The following HIF1AN variants were observed in gnomAD, a reference collection of about 807,000 sequenced individuals.
HIF1AN encodes the protein hypoxia-inducible factor 1-alpha inhibitor.
In HIF1AN, 21 loss-of-function variants were observed where a neutral mutation model predicts 47.7. The observed-to-expected ratio is 0.44, with a 90% CI of 0.31 to 0.63. The LOEUF is 0.63. HIF1AN is among the 30% of genes least tolerant of loss of function. HIF1AN has a pLI of 0.07. For missense variants in HIF1AN, 320 were observed against 432.7 expected, an observed-to-expected ratio of 0.74 and a Z score of 2.31; for synonymous variants, 152 against 155.9, an observed-to-expected ratio of 0.98 and a Z score of 0.18.
Position 100,549,753 on chromosome 10 carries a change from CTTTT to C in HIF1AN, c.*1628_*1631del, listed in dbSNP as rs761978570. 4 of 137,706 alleles carry C rather than the reference CTTTT, an allele frequency of 2.9e-5. No individual in the cohort carries two copies. The highest frequency in any genetic ancestry group is 3.2e-5 in the Non-Finnish European group (2 of 62,698). The allele number at this position is 137,706 out of a possible 1,614,324, so 8.5% of individuals were successfully genotyped here. A position where few individuals can be genotyped will look rare whatever the true frequency, so the allele number is the denominator to read the frequency against. ...GTTGGAAGGTCTCTGGTTTTCTTTT[CTTTT>C]TTTTTTTTTTTGCCAAAGGTTTACT... On this transcript the variant is annotated 3_prime_UTR_variant, in exon 8 of 8. Transcript: ENST00000299163.
chr10:100,552,870 G>A lies in HIF1AN; in HGVS notation c.*4733G>A, dbSNP rs144173550. 1 of 152,062 alleles carries A rather than the reference G, an allele frequency of 6.6e-6. No individual in the cohort carries two copies. The highest frequency in any genetic ancestry group is 1.9e-4 in the East Asian group (1 of 5,134). The allele number at this position is 152,062 out of a possible 1,614,324, so 9.4% of individuals were successfully genotyped here. A position where few individuals can be genotyped will look rare whatever the true frequency, so the allele number is the denominator to read the frequency against. Reference sequence around the variant, plus strand: ...TTCTTGCCCTTCCATTGTCAGTTCTGTACATCCTGGTTCAGCTTGTCTCAC... The same window carrying A: ...TTCTTGCCCTTCCATTGTCAGTTCTATACATCCTGGTTCAGCTTGTCTCAC... On this transcript the variant is annotated 3_prime_UTR_variant, in exon 8 of 8. Transcript: ENST00000299163.
chr10:100,546,602 T>A, intron 6 of HIF1AN, 21 bp downstream of exon 6: 1 of 1,605,450 alleles, frequency 6.2e-7, no homozygotes, highest in South Asian at 1.1e-5. Context: ...TTTGCTTTTT[T>A]TGTTTTTTCC....
intron 2 of HIF1AN, among the ~76,000 whole-genome samples, chr10:100,538,900 CCTTT>C (rs1289569253): frequency 1.5e-5 from 2 of 135,844 alleles, no homozygotes; most frequent in Admixed American, 7.3e-5. Flanking sequence ...TGCCTTTGAA[CCTTT>C]CTTTTTTTTT....
intron 3 of HIF1AN, among the ~76,000 whole-genome samples, chr10:100,544,552 A>T (rs1265053260): frequency 6.6e-6 from 1 of 152,236 alleles, no homozygotes; most frequent in African/African-American, 2.4e-5. Context: ...CTCCTCATGT[A>T]TATGTTGTTG....
chr10:100,540,823 G>T, intron 3 of HIF1AN, 41 bp downstream of exon 3: 1 of 1,548,472 alleles, frequency 6.5e-7, no homozygotes. Flanking sequence ...GGAGTCATAT[G>T]AACCTGATTT....
chr10:100,542,189 T>C (rs907355333), intron 3 of HIF1AN, among the ~76,000 whole-genome samples: 2 of 151,968 alleles, frequency 1.3e-5, no homozygotes, highest in Non-Finnish European at 2.9e-5. Context: ...CATAATCTTA[T>C]GGGAGCACTA....
At position 100,536,655 on chromosome 10, in the gene HIF1AN, AAG is replaced by A; in HGVS notation, c.427_428del (p.Arg143ValfsTer9). On this transcript the variant is annotated frameshift_variant, in exon 2 of 8. Coordinates refer to ENST00000299163, the MANE Select transcript of HIF1AN (RefSeq NM_017902.3). LOFTEE classifies it high-confidence loss of function. ...CAGGATATACAGCAGCGAGGAGGGGAAGAGAGGTAAATTCCGAAAGCTTAATT... is the reference window on the plus strand; with the variant it reads ...CAGGATATACAGCAGCGAGGAGGGGAAGAGGTAAATTCCGAAAGCTTAATT... 1 of 1,613,890 alleles carries A rather than the reference AAG, an allele frequency of 6.2e-7. No individual in the cohort carries two copies. The highest frequency in any genetic ancestry group is 8.5e-7 in the Non-Finnish European group (1 of 1,179,898).
Position 100,536,015 on chromosome 10 carries a change from G to C in HIF1AN, c.57G>C (p.Glu19Asp), listed in dbSNP as rs373246853. The change falls in exon 1 of 8, where the codon GAG becomes GAC. Residue 19 changes from glutamate to aspartate, a missense_variant. Physicochemically the swap from Glu to Asp is conservative, Grantham distance 45. Transcript: ENST00000299163. ...VASGSGEPRE[E>D]AGALGPAWDE... ...CTGGCTCTGGAGAGCCCCGGGAGGA[G>C]GCTGGAGCCCTCGGCCCCGCCTGGG... 33 of 1,585,194 alleles carry C rather than the reference G, an allele frequency of 2.1e-5. No homozygotes were observed. Among genetic ancestry groups the C allele is most frequent in the Non-Finnish European group, 2.7e-5 (32 of 1,166,974 alleles).
At position 100,549,915 on chromosome 10, in the gene HIF1AN, A is replaced by G. The variant is rs953168473; in HGVS notation, c.*1778A>G. 3.9e-5 allele frequency: 6 copies of G among 152,090 alleles called. No individual in the cohort carries two copies. The highest frequency in any genetic ancestry group is 1.5e-4 in the African/African-American group (6 of 41,348). 9.4% of individuals were successfully genotyped at this position (152,090 alleles called of 1,614,324 possible). Reference sequence around the variant, plus strand: ...GAGGGGTGTTTATTTTTAGTACCCCATTCTGGGGTTCTCTGATGCAGTGTG... The same window carrying G: ...GAGGGGTGTTTATTTTTAGTACCCCGTTCTGGGGTTCTCTGATGCAGTGTG... On this transcript the variant is annotated 3_prime_UTR_variant, in exon 8 of 8. Coordinates refer to ENST00000299163, the MANE Select transcript of HIF1AN (RefSeq NM_017902.3).
At chr10:100,541,128 G>A (rs1305718917) in intron 3 of HIF1AN, among the ~76,000 whole-genome samples, 1 of 152,142 alleles carries the variant, frequency 6.6e-6, no homozygotes, top group African/African-American at 2.4e-5. Flanking sequence ...CTGAGAGAGG[G>A]GAATTGCTTG....
At chr10:100,545,231 G>A (rs976905809) in intron 4 of HIF1AN, 135 bp downstream of exon 4, 3 of 899,158 alleles carry the variant, frequency 3.3e-6, no homozygotes, top group Non-Finnish European at 5.0e-6. Flanking sequence ...ACACCAAGAG[G>A]GTAATTTCAT....
chr10:100,542,607 G>A (rs1351453535), intron 3 of HIF1AN, among the ~76,000 whole-genome samples: 1 of 151,962 alleles, frequency 6.6e-6, no homozygotes, highest in Non-Finnish European at 1.5e-5. Flanking sequence ...CACCTGCCCC[G>A]GCCTCCCAAA....
intron 3 of HIF1AN, among the ~76,000 whole-genome samples, chr10:100,544,157 A>G (rs1843072740): frequency 6.6e-6 from 1 of 152,248 alleles, no homozygotes; most frequent in African/African-American, 2.4e-5. Flanking sequence ...CTAGGGCACA[A>G]CTAATTCAAG....
rs1470888582 is a variant in HIF1AN at position 100,552,195 on chromosome 10, C to T, written c.*4058C>T. 3 of 152,172 alleles carry T rather than the reference C, an allele frequency of 2.0e-5. No homozygotes were observed. Among genetic ancestry groups the T allele is most frequent in the Non-Finnish European group, 2.9e-5 (2 of 68,044 alleles). The allele number at this position is 152,172 out of a possible 1,614,324, so 9.4% of individuals were successfully genotyped here. A position where few individuals can be genotyped will look rare whatever the true frequency, so the allele number is the denominator to read the frequency against. On this transcript the variant is annotated 3_prime_UTR_variant, in exon 8 of 8. Coordinates refer to ENST00000299163, the MANE Select transcript of HIF1AN (RefSeq NM_017902.3). ...GTATTAATTTATACTAGTATTTCTTCCTCAGTTTTGTGACTTGAATGCAGT... is the reference window on the plus strand; with the variant it reads ...GTATTAATTTATACTAGTATTTCTTTCTCAGTTTTGTGACTTGAATGCAGT...
rs1398616614 is a variant in HIF1AN at position 100,555,721 on chromosome 10, C to T, written c.*7584C>T. 6.6e-6 allele frequency: 1 copy of T among 152,252 alleles called. No individual in the cohort carries two copies. Among genetic ancestry groups the T allele is most frequent in the African/African-American group, 2.4e-5 (1 of 41,430 alleles). The allele number at this position is 152,252 out of a possible 1,614,324, so 9.4% of individuals were successfully genotyped here. A position where few individuals can be genotyped will look rare whatever the true frequency, so the allele number is the denominator to read the frequency against. ...ATAACTGGCTCTGGGCCTTGGAAAC[C>T]TTCTCTTTGGCTCTAGCTAATTTTG... is the stretch of plus-strand genomic sequence containing the variant. On this transcript the variant is annotated 3_prime_UTR_variant, in exon 8 of 8. Transcript: ENST00000299163.
chr10:100,545,841 T>TG lies in HIF1AN; in HGVS notation c.724-102_724-101insG, dbSNP rs568404113. Reference sequence around the variant, plus strand: ...TACTTTTTTTAAGGCATCGTTTTTTTTTTGTTTGTTTGTTTGTTTTTACTG... The same window carrying TG: ...TACTTTTTTTAAGGCATCGTTTTTTTGTTTGTTTGTTTGTTTGTTTTTACTG... On this transcript the variant is annotated intron_variant, in intron 4 of 7. Coordinates refer to ENST00000299163, the MANE Select transcript of HIF1AN (RefSeq NM_017902.3). 4.5e-5 allele frequency: 34 copies of TG among 758,526 alleles called. No homozygotes were observed. The Admixed American group carries it at 5.9e-4, about 13-fold the overall frequency. The allele number at this position is 758,526 out of a possible 1,614,324, so 47.0% of individuals were successfully genotyped here. A position where few individuals can be genotyped will look rare whatever the true frequency, so the allele number is the denominator to read the frequency against.
chr10:100,544,545 C>T (rs1357502229), intron 3 of HIF1AN, among the ~76,000 whole-genome samples: 1 of 152,194 alleles, frequency 6.6e-6, no homozygotes, highest in Admixed American at 6.5e-5. Flanking sequence ...TGGTTAACTC[C>T]TCATGTATAT....
chr10:100,544,775 C>A (rs985881042), intron 3 of HIF1AN, among the ~76,000 whole-genome samples, 176 bp from the exon 4 acceptor site: 2 of 152,194 alleles, frequency 1.3e-5, no homozygotes, highest in African/African-American at 2.4e-5. Context: ...ACCATACAAG[C>A]TTAACACCTA....
intron 7 of HIF1AN, 27 bp downstream of exon 7, chr10:100,547,277 G>A: frequency 6.8e-7 from 1 of 1,479,774 alleles, no homozygotes; most frequent in South Asian, 1.1e-5. Context: ...AGGTGGCTCA[G>A]TGGGTGGGTT....
Sources: gnomAD v4.1 joint callset for allele counts (sites outside exome capture counted in the v4.1 genomes callset) on GRCh38, gnomAD v4.1.1 for gene constraint, MANE v1.5 for transcripts, NCBI Gene and HGNC (gene_info 2026-07-23, HGNC 2026-07-21) for gene names.